TMEM232: variants seen among roughly 807,000 people sequenced by gnomAD.
TMEM232 encodes the protein transmembrane protein 232.
Under a neutral mutation model 78.8 loss-of-function variants are expected in TMEM232, and 80 were observed. The ratio of observed to expected loss-of-function variants is 1.01; its 90% confidence interval spans 0.85 to 1.22. The LOEUF (loss-of-function observed/expected upper bound fraction) is 1.22, where lower values mean the gene tolerates loss of function less well. TMEM232 is among the 50% of genes most tolerant of loss of function. The pLI, the probability that TMEM232 is intolerant of heterozygous loss-of-function variation, is 0.00. For missense variants in TMEM232, 881 were observed against 742.2 expected (o/e 1.19, Z -2.17); for synonymous variants, 297 against 254.3 (o/e 1.17, Z -1.60).
At chr5:110,577,444 A>G (rs1777692623) in intron 10 of TMEM232, among the ~76,000 whole-genome samples, 1 of 152,116 alleles carries the variant, frequency 6.6e-6, no homozygotes, top group Non-Finnish European at 1.5e-5. Flanking sequence ...TAGTTCAGCT[A>G]TTGTGGAAGA....
At chr5:110,514,401 A>G (rs1032884081) in intron 12 of TMEM232, among the ~76,000 whole-genome samples, 2 of 152,200 alleles carry the variant, frequency 1.3e-5, no homozygotes, top group African/African-American at 4.8e-5. Context: ...TAAGAATTAA[A>G]TATTATATTC....
intron 12 of TMEM232, among the ~76,000 whole-genome samples, chr5:110,508,231 GC>G (rs1235514772): frequency 1.3e-5 from 2 of 152,042 alleles, no homozygotes; most frequent in African/African-American, 2.4e-5. Flanking sequence ...TGGATGCTTA[GC>G]AATTACTGAT....
chr5:110,625,653 A>G (rs1262747793), intron 6 of TMEM232: 2 of 275,574 alleles, frequency 7.3e-6, no homozygotes, highest in Non-Finnish European at 1.3e-5. Context: ...AATTCAGGAC[A>G]GCAATTTCAT....
intron 12 of TMEM232, among the ~76,000 whole-genome samples, chr5:110,515,515 G>A (rs957726285): frequency 6.6e-6 from 1 of 152,182 alleles, no homozygotes; most frequent in Non-Finnish European, 1.5e-5. Context: ...TAAGAAGGTA[G>A]AGTAGCAGTC....
intron 1 of TMEM232, among the ~76,000 whole-genome samples, chr5:110,721,099 T>A (rs559915790): frequency 6.6e-6 from 1 of 152,078 alleles, no homozygotes; most frequent in South Asian, 2.1e-4. Context: ...AAAAAGTTAT[T>A]CCCGGTAAAG....
intron 10 of TMEM232, among the ~76,000 whole-genome samples, chr5:110,583,603 CA>C (rs1778446768): frequency 1.3e-5 from 2 of 151,684 alleles, no homozygotes; most frequent in Admixed American, 1.3e-4. Flanking sequence ...ACACCAAAAG[CA>C]CAGGCAACAA....
intron 12 of TMEM232, among the ~76,000 whole-genome samples, chr5:110,478,740 G>C (rs1763531215): frequency 6.6e-6 from 1 of 151,708 alleles, no homozygotes. Flanking sequence ...AATGTTTTGA[G>C]TTTACTGAGC....
intron 12 of TMEM232, among the ~76,000 whole-genome samples, chr5:110,488,864 A>T (rs1479928028): frequency 6.6e-6 from 1 of 151,950 alleles, no homozygotes; most frequent in Non-Finnish European, 1.5e-5. Flanking sequence ...AATGAGAATG[A>T]AAGAGGAAAC....
intron 12 of TMEM232, among the ~76,000 whole-genome samples, chr5:110,440,100 C>T (rs561226289): frequency 6.6e-6 from 1 of 152,150 alleles, no homozygotes; most frequent in South Asian, 2.1e-4. Context: ...CTCCAGAATA[C>T]CTCAGAAATA....
intron 4 of TMEM232, among the ~76,000 whole-genome samples, chr5:110,389,015 C>T (rs1419517212): frequency 6.6e-6 from 1 of 152,120 alleles, no homozygotes; most frequent in African/African-American, 2.4e-5. Flanking sequence ...AATCCCAGCA[C>T]TTTGGGAAGC....
intron 12 of TMEM232, among the ~76,000 whole-genome samples, chr5:110,526,004 TC>T (rs1561628073): frequency 3.3e-5 from 4 of 121,298 alleles, no homozygotes; most frequent in Non-Finnish European, 6.4e-5. Context: ...GGCAGATGGA[TC>T]TACACCTCAC....
At chr5:110,715,254 T>C (rs1350509568) in intron 1 of TMEM232, among the ~76,000 whole-genome samples, 2 of 151,640 alleles carry the variant, frequency 1.3e-5, no homozygotes, top group Non-Finnish European at 2.9e-5. Context: ...AAGGAATCAA[T>C]AGAGATGAAA....
At chr5:110,728,716 A>G (rs1798388739), upstream of TMEM232, among the ~76,000 whole-genome samples, 1 of 150,288 alleles carries the variant, frequency 6.7e-6, no homozygotes, top group African/African-American at 2.4e-5. Context: ...ATATATACCT[A>G]TATATATATA....
At chr5:110,599,077 A>G (rs1392798911) in intron 10 of TMEM232, among the ~76,000 whole-genome samples, 1 of 152,278 alleles carries the variant, frequency 6.6e-6, no homozygotes, top group East Asian at 1.9e-4. Context: ...AATTTGCTTC[A>G]TAAGTGAAGG....
At chr5:110,525,730 A>G (rs1770486125) in intron 12 of TMEM232, among the ~76,000 whole-genome samples, 1 of 151,684 alleles carries the variant, frequency 6.6e-6, no homozygotes, top group Non-Finnish European at 1.5e-5. Context: ...CTAGGAAAAC[A>G]TTGAAAAGCA....
At chr5:110,736,314 T>C (rs1310601446) in intron 1 of TMEM232, among the ~76,000 whole-genome samples, 1 of 152,186 alleles carries the variant, frequency 6.6e-6, no homozygotes, top group Non-Finnish European at 1.5e-5. Context: ...GAAAGATCTT[T>C]ATTGCTGTGT....
intron 10 of TMEM232, among the ~76,000 whole-genome samples, chr5:110,586,648 A>G (rs900074982): frequency 2.6e-5 from 4 of 151,956 alleles, no homozygotes; most frequent in Non-Finnish European, 5.9e-5. Flanking sequence ...AACATTCTTA[A>G]TATGAATGGG....
At chr5:110,421,672 C>T (rs1353088924) in intron 13 of TMEM232, among the ~76,000 whole-genome samples, 2 of 152,004 alleles carry the variant, frequency 1.3e-5, no homozygotes, top group African/African-American at 4.8e-5. Context: ...ACTATATATA[C>T]CAGTACTGTG....
chr5:110,610,806 T>C (rs1782178762), intron 8 of TMEM232, among the ~76,000 whole-genome samples: 1 of 151,968 alleles, frequency 6.6e-6, no homozygotes, highest in South Asian at 2.1e-4. Flanking sequence ...ACTGTTATCA[T>C]AGAAGTCTAT....
Sources: allele counts gnomAD v4.1 joint callset (sites outside exome capture counted in the v4.1 genomes callset), GRCh38; gene constraint gnomAD v4.1.1; transcripts MANE v1.5; gene names NCBI Gene and HGNC (gene_info 2026-07-23, HGNC 2026-07-21).